Variants in RAPGEF6 observed in about 807,000 individuals in gnomAD.
RAPGEF6 encodes Rap guanine nucleotide exchange factor 6.
Under a neutral mutation model 171.4 loss-of-function variants are expected in RAPGEF6, and 56 were observed. That is an observed-to-expected ratio of 0.33 (90% confidence interval 0.26 to 0.41). RAPGEF6 has a LOEUF of 0.41. RAPGEF6 is among the 10% of genes least tolerant of loss of function. The pLI is 1.00. For missense variants in RAPGEF6, 1,674 were observed against 1,921.4 expected (o/e 0.87, Z 2.41); for synonymous variants, 692 against 650.1 (o/e 1.06, Z -0.98).
intron 6 of RAPGEF6, among the ~76,000 whole-genome samples, chr5:131,526,404 G>C (rs1384192899): frequency 6.6e-6 from 1 of 152,132 alleles, no homozygotes; most frequent in Admixed American, 6.5e-5. Flanking sequence ...TAATCTTAGA[G>C]ATGTTATAAA....
At chr5:131,531,927 G>T (rs1759409330) in intron 6 of RAPGEF6, among the ~76,000 whole-genome samples, 1 of 149,254 alleles carries the variant, frequency 6.7e-6, no homozygotes, top group African/African-American at 2.5e-5. Flanking sequence ...TCTCTTAGAG[G>T]TCACGTTAGA....
Position 131,495,811 on chromosome 5 carries a change from T to G in RAPGEF6, c.1420-151A>C, listed in dbSNP as rs111282480. 963 of 1,226,638 alleles carry G rather than the reference T, an allele frequency of 7.9e-4. 9 individuals carry two copies. In the African/African-American group the frequency reaches 0.013, roughly 17 times the overall value. 76.0% of individuals were successfully genotyped at this position (1,226,638 alleles called of 1,614,324 possible). On this transcript the variant is annotated intron_variant, in intron 12 of 27. Coordinates refer to ENST00000509018, the MANE Select transcript of RAPGEF6 (RefSeq NM_016340.6). Reference sequence around the variant, plus strand: ...AAAGGCTCATTCTAACAGAAAGGCATGGTTTAATTTGAGCTTTTGCTTCCC... The same window carrying G: ...AAAGGCTCATTCTAACAGAAAGGCAGGGTTTAATTTGAGCTTTTGCTTCCC...
intron 4 of RAPGEF6, among the ~76,000 whole-genome samples, chr5:131,581,746 A>G (rs1012333436): frequency 3.3e-5 from 5 of 152,192 alleles, no homozygotes; most frequent in African/African-American, 1.2e-4. Context: ...TGGTCAAGTC[A>G]TGGTGACATT....
intron 4 of RAPGEF6, among the ~76,000 whole-genome samples, chr5:131,564,780 G>A (rs963040664): frequency 4.6e-5 from 7 of 152,134 alleles, no homozygotes; most frequent in Non-Finnish European, 7.4e-5. Flanking sequence ...AGAAAGTAAC[G>A]ATAAATACGA....
At chr5:131,489,758 T>C (rs541628173) in intron 14 of RAPGEF6, 104 bp from the exon 15 acceptor site, 1 of 580,436 alleles carries the variant, frequency 1.7e-6, no homozygotes, top group East Asian at 3.3e-5. Flanking sequence ...TTGAATAAAA[T>C]GTACTCCTAT....
intron 1 of RAPGEF6, among the ~76,000 whole-genome samples, chr5:131,622,261 T>C (rs1413221369): frequency 3.3e-5 from 5 of 152,226 alleles, no homozygotes; most frequent in African/African-American, 1.2e-4. Context: ...TTTGGAAGTT[T>C]AGACACTTAA....
At position 131,479,615 on chromosome 5, in the gene RAPGEF6, C is replaced by T. The variant is rs1430769599; in HGVS notation, c.1979G>A (p.Gly660Glu). The T allele has an allele frequency of 6.2e-7, 1 of 1,614,028 alleles. No homozygotes were observed. Among genetic ancestry groups the T allele is most frequent in the South Asian group, 1.1e-5 (1 of 91,082 alleles). Residue 660 changes from glycine (G) to glutamate (E), a missense_variant, in exon 16 of 28, where the codon GGA (glycine) becomes GAA (glutamate). Gly to Glu is a moderately conservative substitution (Grantham distance 98). Coordinates refer to ENST00000509018, the MANE Select transcript of RAPGEF6 (RefSeq NM_016340.6). The part of the protein sequence containing the change: ...GDIEQTSQEK[G>E]SKKVKANTVS... ...AGTATTTGCTTTAACTTTCTTACTT[C>T]CTTTCTCCTGTGATGTCTGTTCAAT...
intron 4 of RAPGEF6, among the ~76,000 whole-genome samples, chr5:131,589,053 G>C (rs1026329622): frequency 3.3e-5 from 5 of 151,938 alleles, no homozygotes; most frequent in African/African-American, 1.2e-4. Flanking sequence ...CTGGGTGACA[G>C]AGTGAGACTC....
At position 131,618,348 on chromosome 5, in the gene RAPGEF6, T is replaced by C. The variant is rs530353737; in HGVS notation, c.70-13655A>G. Among the ~76,000 whole-genome samples, 130 of 152,198 alleles carry C rather than the reference T, an allele frequency of 8.5e-4. 1 individual carries two copies. The highest frequency in any genetic ancestry group is 2.8e-3 in the African/African-American group (115 of 41,542). On this transcript the variant is annotated intron_variant, in intron 1 of 27. Coordinates refer to ENST00000509018, the MANE Select transcript of RAPGEF6 (RefSeq NM_016340.6). Reference sequence around the variant, plus strand: ...AAAGAAATATAGAATCAGAAAATTATGGCCAGGCATGGTGGTCCACAACTA... The same window carrying C: ...AAAGAAATATAGAATCAGAAAATTACGGCCAGGCATGGTGGTCCACAACTA...
chr5:131,538,305 G>C (rs1171198043), intron 6 of RAPGEF6, among the ~76,000 whole-genome samples: 4 of 152,172 alleles, frequency 2.6e-5, no homozygotes, highest in Non-Finnish European at 1.5e-5. Context: ...ACATCACTGA[G>C]TGTAGCTACA....
chr5:131,582,158 C>T (rs1763006665), intron 4 of RAPGEF6, among the ~76,000 whole-genome samples: 2 of 152,132 alleles, frequency 1.3e-5, no homozygotes, highest in African/African-American at 4.8e-5. Context: ...CTCAGATGGT[C>T]TCTTATATGG....
rs555390314 is a variant in RAPGEF6 at position 131,551,158 on chromosome 5, C to A, written c.352-2968G>T. ...ACTGCAGCTTATCTCATTTAAGGTT[C>A]ACAATAACCCTATTACATAGCTACT... On this transcript the variant is annotated intron_variant, in intron 5 of 27. Coordinates refer to ENST00000509018, the MANE Select transcript of RAPGEF6 (RefSeq NM_016340.6). Among the ~76,000 whole-genome samples, 14 of 152,256 alleles carry A rather than the reference C, an allele frequency of 9.2e-5. No individual in the cohort carries two copies. The South Asian group carries it at 2.3e-3, about 25-fold the overall frequency.
At chr5:131,528,255 AAT>A (rs1211605670) in intron 6 of RAPGEF6, among the ~76,000 whole-genome samples, 1 of 130,980 alleles carries the variant, frequency 7.6e-6, no homozygotes, top group Non-Finnish European at 1.6e-5. Context: ...ATATAAATAA[AAT>A]AAAATAATAT....
chr5:131,534,850 C>T (rs146395324), intron 6 of RAPGEF6, among the ~76,000 whole-genome samples: 114 of 152,096 alleles, frequency 7.5e-4, no homozygotes, highest in South Asian at 6.4e-3. Flanking sequence ...CAACACCAGA[C>T]AGTAATTATA....
Position 131,635,139 on chromosome 5 carries a change from G to T in RAPGEF6, c.-109C>A. The T allele has an allele frequency of 8.5e-7, 1 of 1,177,868 alleles. No individual in the cohort carries two copies. Among genetic ancestry groups the T allele is most frequent in the Non-Finnish European group, 1.2e-6 (1 of 860,610 alleles). The allele number at this position is 1,177,868 out of a possible 1,614,324, so 73.0% of individuals were successfully genotyped here. On this transcript the variant is annotated 5_prime_UTR_variant, in exon 1 of 28. Transcript: ENST00000509018. ...TCCCCCGCCCCAAGGAGGGAACTTCGCGCCGTAACAAGGTCCGAACTCTAG... is the reference window on the plus strand; with the variant it reads ...TCCCCCGCCCCAAGGAGGGAACTTCTCGCCGTAACAAGGTCCGAACTCTAG...
chr5:131,446,295 G>T (rs1021756755), intron 22 of RAPGEF6, among the ~76,000 whole-genome samples, 188 bp downstream of exon 22: 14 of 152,102 alleles, frequency 9.2e-5, no homozygotes, highest in African/African-American at 3.4e-4. Flanking sequence ...CTATTTTTTG[G>T]ATAGTGTAGC....
At chr5:131,577,684 C>T (rs1481158795) in intron 4 of RAPGEF6, among the ~76,000 whole-genome samples, 1 of 152,210 alleles carries the variant, frequency 6.6e-6, no homozygotes, top group Non-Finnish European at 1.5e-5. Context: ...AGTACCCTAA[C>T]TGCCGTCCGC....
rs1179817673 is a variant in RAPGEF6 at position 131,427,282 on chromosome 5, T to G, written c.4790A>C (p.Gln1597Pro). ...ATCCAAAGGCTAGACTGCTGAAACT[T>G]GTTCATTTTCTGAAAATAAAAAATA... ...DADSEADENE[Q>P]VSAV The change falls in exon 28 of 28, where the codon CAA (glutamine) becomes CCA (proline). Residue 1597 changes from glutamine to proline, a missense_variant. Physicochemically the swap from Gln to Pro is moderately conservative, Grantham distance 76. Around this residue, in one of 3 missense-constraint regions of RAPGEF6, gnomAD observed 552 missense variants for 574.2 expected, o/e 0.96. Coordinates refer to ENST00000509018, the MANE Select transcript of RAPGEF6 (RefSeq NM_016340.6). The G allele has an allele frequency of 6.2e-7, 1 of 1,609,012 alleles. No homozygotes were observed.
chr5:131,436,117 G>C, intron 24 of RAPGEF6: 2 of 1,537,976 alleles, frequency 1.3e-6, no homozygotes, highest in Non-Finnish European at 1.7e-6. Flanking sequence ...ATTGTGATCT[G>C]TGTCCTCTTT....
Sources: allele counts gnomAD v4.1 joint callset (sites outside exome capture counted in the v4.1 genomes callset), GRCh38; gene constraint gnomAD v4.1.1; regional missense constraint gnomAD v4.1.1; transcripts MANE v1.5; gene names NCBI Gene and HGNC (gene_info 2026-07-23, HGNC 2026-07-21).